The following NTM variants were observed in gnomAD, a reference collection of about 807,000 sequenced individuals.
NTM encodes neurotrimin.
A neutral mutation model predicts 42.1 loss-of-function variants in NTM; 13 were observed. The ratio of observed to expected loss-of-function variants is 0.31; its 90% CI spans 0.20 to 0.49. The LOEUF (loss-of-function observed/expected upper bound fraction) is 0.49. Ranked by LOEUF, NTM falls within the 20% of genes least tolerant of loss-of-function variation. The pLI is 0.99. For missense variants in NTM, 373 were observed against 452.8 expected (o/e 0.82, Z 1.60); for synonymous variants, 187 against 179.2 (o/e 1.04, Z -0.35).
intron 4 of NTM, among the ~76,000 whole-genome samples, chr11:132,214,242 C>T (rs930628655): frequency 3.3e-5 from 5 of 152,142 alleles, no homozygotes; most frequent in Admixed American, 1.3e-4. Context: ...ATGCTAAGTC[C>T]GCGGTGTGCA....
chr11:131,633,247 C>T (rs562398043), intron 1 of NTM, among the ~76,000 whole-genome samples: 1 of 152,270 alleles, frequency 6.6e-6, no homozygotes, highest in African/African-American at 2.4e-5. Context: ...AAGACCACAT[C>T]AGTCAGCAGG....
intron 4 of NTM, among the ~76,000 whole-genome samples, chr11:132,241,982 A>C (rs1190696281): frequency 6.6e-6 from 1 of 152,264 alleles, no homozygotes; most frequent in Non-Finnish European, 1.5e-5. Flanking sequence ...TACTGTGAGT[A>C]AAACCTATAT....
chr11:131,443,226 T>C (rs944768315), intron 1 of NTM, among the ~76,000 whole-genome samples: 1 of 152,070 alleles, frequency 6.6e-6, no homozygotes, highest in Non-Finnish European at 1.5e-5. Flanking sequence ...GGTAGAGCAC[T>C]GGAAAGAAGG....
At chr11:131,520,642 C>T (rs1001772873) in intron 1 of NTM, among the ~76,000 whole-genome samples, 16 of 152,130 alleles carry the variant, frequency 1.1e-4, no homozygotes, top group African/African-American at 3.9e-4. Flanking sequence ...TGATGGTTAA[C>T]TTTGATTCTA....
intron 2 of NTM, among the ~76,000 whole-genome samples, chr11:132,113,546 C>T (rs1225731053): frequency 6.6e-6 from 1 of 152,122 alleles, no homozygotes; most frequent in Non-Finnish European, 1.5e-5. Flanking sequence ...ATTCTCTCGC[C>T]GCACCCGCTT....
In NTM at chr11:131,390,321, G is replaced by A. The variant is rs569422227; in HGVS notation, c.82+19433G>A. 2.9e-4 allele frequency among the ~76,000 whole-genome samples: 44 copies of A among 152,130 alleles called. 1 individual carries two copies. In the South Asian group the frequency reaches 5.2e-3, roughly 18 times the overall value. ...CCATTCATGAGGGATCTGCCCCCACGACCCGAACACCTCCCACCAGGCCTC... is the reference window on the plus strand; with the variant it reads ...CCATTCATGAGGGATCTGCCCCCACAACCCGAACACCTCCCACCAGGCCTC... On this transcript the variant is annotated intron_variant, in intron 1 of 8. Coordinates refer to ENST00000683400, the MANE Select transcript of NTM (RefSeq NM_001352005.2).
intron 2 of NTM, among the ~76,000 whole-genome samples, chr11:132,060,331 A>C (rs749736013): frequency 2.0e-5 from 3 of 152,236 alleles, no homozygotes; most frequent in Non-Finnish European, 4.4e-5. Context: ...GGTGCATTCG[A>C]GGCTGAAGAC....
intron 2 of NTM, among the ~76,000 whole-genome samples, chr11:132,129,500 T>C (rs2066449167): frequency 6.6e-6 from 1 of 152,218 alleles, no homozygotes; most frequent in Admixed American, 6.5e-5. Context: ...ATTCCCATTC[T>C]GGCTTTGAAG....
chr11:131,691,168 G>A (rs955785513), intron 1 of NTM, among the ~76,000 whole-genome samples: 3 of 152,180 alleles, frequency 2.0e-5, no homozygotes, highest in African/African-American at 7.2e-5. Flanking sequence ...AGGGGCCCAG[G>A]CCACCCCCGG....
At chr11:132,091,793 T>A (rs532035618) in intron 2 of NTM, among the ~76,000 whole-genome samples, 2 of 152,218 alleles carry the variant, frequency 1.3e-5, no homozygotes, top group East Asian at 3.8e-4. Flanking sequence ...CACGTGTTTT[T>A]ATTACCTGTT....
chr11:131,565,853 CT>C (rs1592069789), intron 1 of NTM, among the ~76,000 whole-genome samples: 1 of 152,148 alleles, frequency 6.6e-6, no homozygotes, highest in East Asian at 1.9e-4. Flanking sequence ...AGTTGCCCGT[CT>C]TTTGCCTAGC....
intron 2 of NTM, among the ~76,000 whole-genome samples, chr11:131,966,686 G>A (rs2062874743): frequency 6.6e-6 from 1 of 152,156 alleles, no homozygotes; most frequent in Non-Finnish European, 1.5e-5. Context: ...TGTCAGGTAA[G>A]TAGTTGGAGA....
chr11:131,383,138 T>C (rs1189578520), intron 1 of NTM, among the ~76,000 whole-genome samples: 1 of 152,244 alleles, frequency 6.6e-6, no homozygotes, highest in African/African-American at 2.4e-5. Flanking sequence ...CTTTTTGTTA[T>C]CTCCAAATGA....
chr11:131,570,764 A>G (rs1482827634), intron 1 of NTM, among the ~76,000 whole-genome samples: 1 of 152,222 alleles, frequency 6.6e-6, no homozygotes, highest in African/African-American at 2.4e-5. Flanking sequence ...CAGGTGTTGC[A>G]GTGAGCCAAG....
chr11:132,055,646 TGTGAGAGAGAGAGAGAGCGAGA>T (rs1461223526), intron 2 of NTM, among the ~76,000 whole-genome samples: 1 of 143,082 alleles, frequency 7.0e-6, no homozygotes, highest in African/African-American at 2.6e-5. Flanking sequence ...TGCATGTGTG[TGTGAGAGAGAGAGAGAGCGAGA>T]GTGAGAGAGA....
chr11:131,939,983 T>G (rs1402608257), intron 2 of NTM, among the ~76,000 whole-genome samples: 1 of 152,182 alleles, frequency 6.6e-6, no homozygotes, highest in Non-Finnish European at 1.5e-5. Context: ...AGACTTTTAG[T>G]TGTGTGTTCT....
chr11:132,179,961 T>C (rs2077327361), intron 3 of NTM, among the ~76,000 whole-genome samples: 1 of 152,210 alleles, frequency 6.6e-6, no homozygotes. Flanking sequence ...CATTTCGTTA[T>C]TAGAAAATAG....
chr11:131,461,942 A>G (rs1318043251), intron 1 of NTM, among the ~76,000 whole-genome samples: 4 of 152,340 alleles, frequency 2.6e-5, no homozygotes, highest in Middle Eastern at 3.4e-3. Flanking sequence ...AAACAAAAAC[A>G]TAGGTTTATG....
At chr11:131,656,221 A>G (rs1025666523) in intron 1 of NTM, among the ~76,000 whole-genome samples, 1 of 152,220 alleles carries the variant, frequency 6.6e-6, no homozygotes, top group African/African-American at 2.4e-5. Context: ...AGACCTCAGG[A>G]AAAAAAGTGT....
Sources: gnomAD v4.1 joint callset for allele counts (sites outside exome capture counted in the v4.1 genomes callset) on GRCh38, gnomAD v4.1.1 for gene constraint, MANE v1.5 for transcripts, NCBI Gene and HGNC (gene_info 2026-07-23, HGNC 2026-07-21) for gene names.